The following NOXA1 variants were observed in gnomAD, a reference collection of about 807,000 sequenced individuals.
NOXA1 encodes the protein NADPH oxidase activator 1.
A neutral mutation model predicts 64.8 loss-of-function variants in NOXA1; 56 were observed. The ratio of observed to expected loss-of-function variants is 0.86; its 90% CI spans 0.70 to 1.08. The LOEUF is 1.08. Ranked by LOEUF, NOXA1 falls within the 50% of genes least tolerant of loss-of-function variation. NOXA1 has a pLI of 0.00. For missense variants in NOXA1, 668 were observed against 658.5 expected (o/e 1.01, Z -0.16); for synonymous variants, 295 against 294.8 (o/e 1.00, Z -0.01).
At chr9:137,429,524 TGG>T in intron 5 of NOXA1, 141 bp downstream of exon 5, 1 of 624,640 alleles carries the variant, frequency 1.6e-6, no homozygotes. Flanking sequence ...ATCCTCAAAC[TGG>T]CGCCCACGGT....
rs1839119328 is a variant in NOXA1 at position 137,431,772 on chromosome 9, C to T, written c.804+431C>T. 6.6e-6 allele frequency among the ~76,000 whole-genome samples: 1 copy of T among 152,178 alleles called. No homozygotes were observed. Among genetic ancestry groups the T allele is most frequent in the Admixed American group, 6.5e-5 (1 of 15,290 alleles). On this transcript the variant is annotated intron_variant, in intron 8 of 13. Transcript: ENST00000683555. The surrounding 1 kb of genome is among the most constrained non-coding windows in gnomAD (Gnocchi z 5.6). ...CAGCGACTCCATCCCCCGAGTCCTC[C>T]CGGACACCCCGGCACCTGGGGAGAG...
In NOXA1 at chr9:137,434,057, C is replaced by T. The variant is rs1839251265; in HGVS notation, c.1272C>T (p.Asp424=). The stretch of plus-strand genomic sequence containing the variant: ...AGGACCTGGGCTTCCGACAGGGGGA[C>T]ACGGTGGACGTCCTGTGTGAAGGTA... The part of the protein sequence containing the change: ...GPEDLGFRQG[D]TVDVLCEVDQ... Residue 424 remains aspartate (D), a synonymous_variant, in exon 13 of 14, where the codon GAC becomes GAT. Transcript: ENST00000683555. 6.3e-7 allele frequency: 1 copy of T among 1,579,396 alleles called. No individual in the cohort carries two copies. Among genetic ancestry groups the T allele is most frequent in the Non-Finnish European group, 8.6e-7 (1 of 1,167,412 alleles).
chr9:137,428,633 C>A (rs949221682), intron 3 of NOXA1, among the ~76,000 whole-genome samples: 5 of 149,898 alleles, frequency 3.3e-5, no homozygotes, highest in Non-Finnish European at 5.9e-5. Flanking sequence ...GCCCGCCAGC[C>A]CAGGACACAG....
At chr9:137,429,243 C>A in intron 4 of NOXA1, 33 bp from the exon 5 acceptor site, 1 of 1,466,322 alleles carries the variant, frequency 6.8e-7, no homozygotes, top group South Asian at 1.3e-5. Context: ...TTGGTCACCC[C>A]GTCTGCATCT....
In NOXA1 at chr9:137,428,093, C is replaced by T. The variant is rs578199973; in HGVS notation, c.321C>T (p.Ala107=). ...LALEQLRGHA[A]IDYTQLGLRF... is the part of the protein sequence containing the mutation. ...TGGAGCAGCTGAGGGGCCACGCTGC[C>T]ATCGACTACACGCAGCTGGGCCTGC... The change falls in exon 3 of 14, where the codon GCC becomes GCT. Residue 107 remains alanine (A), a synonymous_variant. Transcript: ENST00000683555. 15 of 1,586,494 alleles carry T rather than the reference C, an allele frequency of 9.5e-6. No individual in the cohort carries two copies. The Admixed American group carries it at 2.7e-4, about 28-fold the overall frequency.
At position 137,427,654 on chromosome 9, in the gene NOXA1, G is replaced by A. The variant is rs572772878; in HGVS notation, c.261-379G>A. ...GCAGGCGCTGGGGAGCTCCCAGCAA[G>A]GCTTGGAAGGAGGCTCAGAGTTTGG... On this transcript the variant is annotated intron_variant, in intron 2 of 13. Coordinates refer to ENST00000683555, the MANE Select transcript of NOXA1 (RefSeq NM_001256067.2). Among the ~76,000 whole-genome samples, 48 of 152,354 alleles carry A rather than the reference G, an allele frequency of 3.2e-4. No individual in the cohort carries two copies. In the South Asian group the frequency reaches 9.1e-3, roughly 29 times the overall value.
rs1839108322 is a variant in NOXA1 at position 137,431,471 on chromosome 9, C to T, written c.804+130C>T. ...GCTGGGGGGTAGACGGGGCCGGGCT[C>T]ACCCGTGGTCCTGGCCCAGCCCAGC... On this transcript the variant is annotated intron_variant, in intron 8 of 13. Coordinates refer to ENST00000683555, the MANE Select transcript of NOXA1 (RefSeq NM_001256067.2). This position sits in a 1 kb window ranked among gnomAD's most constrained non-coding sequence, Gnocchi z 5.6. The T allele has an allele frequency of 1.3e-6, 1 of 768,556 alleles. No homozygotes were observed. Among genetic ancestry groups the T allele is most frequent in the African/African-American group, 1.7e-5 (1 of 58,252 alleles). The allele number at this position is 768,556 out of a possible 1,614,324, so 47.6% of individuals were successfully genotyped here. A position where few individuals can be genotyped will look rare whatever the true frequency, so the allele number is the denominator to read the frequency against.
At chr9:137,433,119 C>T (rs889829410) in intron 9 of NOXA1, 45 bp downstream of exon 9, 1 of 1,611,606 alleles carries the variant, frequency 6.2e-7, no homozygotes, top group African/African-American at 1.3e-5. Flanking sequence ...AAGGAGGAAG[C>T]TGCTGGTGCA....
chr9:137,423,874 G>T (rs1394711469), intron 1 of NOXA1, among the ~76,000 whole-genome samples, 168 bp downstream of exon 1: 5 of 152,120 alleles, frequency 3.3e-5, no homozygotes, highest in Non-Finnish European at 7.4e-5. Flanking sequence ...AGCTAAGCGA[G>T]GCCGCGCTGG....
At chr9:137,430,735 C>T in intron 5 of NOXA1, 49 bp from the exon 6 acceptor site, 1 of 1,532,500 alleles carries the variant, frequency 6.5e-7, no homozygotes, top group Non-Finnish European at 8.8e-7. Flanking sequence ...GGGAGCAGAC[C>T]CTGCTGGGCC....
intron 2 of NOXA1, 148 bp from the exon 3 acceptor site, chr9:137,427,885 G>C (rs1838905994): frequency 1.6e-6 from 1 of 606,554 alleles, no homozygotes; most frequent in Non-Finnish European, 3.0e-6. Flanking sequence ...CCAGACCTGA[G>C]TGTGCAGACC....
At chr9:137,434,127 G>A in intron 13 of NOXA1, 48 bp downstream of exon 13, 2 of 1,582,392 alleles carry the variant, frequency 1.3e-6, no homozygotes, top group Non-Finnish European at 1.7e-6. Context: ...TGCCCGGGGT[G>A]TGGGGGGCTT....
chr9:137,430,942 C>A, intron 6 of NOXA1, 99 bp downstream of exon 6: 1 of 1,556,672 alleles, frequency 6.4e-7, no homozygotes, highest in Middle Eastern at 1.7e-4. Context: ...CTGCGAAGTT[C>A]CTCTGATGGG....
intron 6 of NOXA1, 96 bp downstream of exon 6, chr9:137,430,939 G>T: frequency 6.4e-7 from 1 of 1,557,082 alleles, no homozygotes; most frequent in Non-Finnish European, 8.7e-7. Context: ...GGGCTGCGAA[G>T]TTCCTCTGAT....
chr9:137,427,752 A>T (rs1838900123), intron 2 of NOXA1, among the ~76,000 whole-genome samples: 1 of 152,206 alleles, frequency 6.6e-6, no homozygotes, highest in African/African-American at 2.4e-5. Flanking sequence ...CACGGTTCAG[A>T]AGAGAGGCTT....
chr9:137,426,953 C>T (rs1402024363), intron 2 of NOXA1, among the ~76,000 whole-genome samples: 5 of 152,094 alleles, frequency 3.3e-5, no homozygotes, highest in East Asian at 1.9e-4. Flanking sequence ...TGTGCCACCA[C>T]GCCTGGCTAA....
intron 2 of NOXA1, among the ~76,000 whole-genome samples, chr9:137,427,220 C>A (rs568947882): frequency 6.6e-6 from 1 of 152,146 alleles, no homozygotes; most frequent in Non-Finnish European, 1.5e-5. Context: ...TGCACGCTAG[C>A]GACAGGCTCA....
At position 137,431,115 on chromosome 9, in the gene NOXA1, C is replaced by G. The variant is rs377105808; in HGVS notation, c.698+15C>G. Reference sequence around the variant, plus strand: ...CATGATGCCAGGTAGGAGGGGCTGACTGGGCCCTGCGAGCGCGTGCCTTTC... The same window carrying G: ...CATGATGCCAGGTAGGAGGGGCTGAGTGGGCCCTGCGAGCGCGTGCCTTTC... On this transcript the variant is annotated intron_variant, in intron 7 of 13. Transcript: ENST00000683555. This position sits in a 1 kb window ranked among gnomAD's most constrained non-coding sequence, Gnocchi z 5.6. 1.2e-6 allele frequency: 2 copies of G among 1,613,090 alleles called. No homozygotes were observed. The highest frequency in any genetic ancestry group is 2.7e-5 in the African/African-American group (2 of 75,030).
chr9:137,425,018 CTG>C (rs1335563914), intron 1 of NOXA1, among the ~76,000 whole-genome samples: 38 of 152,378 alleles, frequency 2.5e-4, no homozygotes, highest in Admixed American at 1.6e-3. Flanking sequence ...GCTGGAACTG[CTG>C]TCTCTTGTTA....
Sources: allele counts gnomAD v4.1 joint callset (sites outside exome capture counted in the v4.1 genomes callset), GRCh38; gene constraint gnomAD v4.1.1; non-coding constraint Gnocchi (gnomAD v3.1); transcripts MANE v1.5; gene names NCBI Gene and HGNC (gene_info 2026-07-23, HGNC 2026-07-21).